NRXN3: variants seen among roughly 807,000 people sequenced by gnomAD.
NRXN3 encodes neurexin 3.
In NRXN3, 32 loss-of-function variants were observed where a neutral mutation model predicts 137.6. That is an observed-to-expected ratio of 0.23 (90% CI 0.18 to 0.31). The LOEUF is 0.31. NRXN3 is among the 10% of genes least tolerant of loss of function. The pLI is 1.00. For missense variants in NRXN3, 1,574 were observed against 2,062.5 expected (o/e 0.76, Z 4.59); for synonymous variants, 798 against 784.5 (o/e 1.02, Z -0.29).
chr14:78,496,262 T>C (rs916985900), intron 4 of NRXN3, among the ~76,000 whole-genome samples: 1 of 152,142 alleles, frequency 6.6e-6, no homozygotes, highest in African/African-American at 2.4e-5. Context: ...ATAGTTGACA[T>C]TGGGGGAAAA....
intron 15 of NRXN3, among the ~76,000 whole-genome samples, chr14:79,068,668 G>A (rs891494329): frequency 1.3e-5 from 2 of 152,010 alleles, no homozygotes; most frequent in Non-Finnish European, 2.9e-5. Context: ...TTTTATTTAT[G>A]TTATAGTTGT....
At chr14:78,531,488 C>G (rs933170691) in intron 4 of NRXN3, among the ~76,000 whole-genome samples, 5 of 152,124 alleles carry the variant, frequency 3.3e-5, no homozygotes, top group African/African-American at 1.2e-4. Flanking sequence ...AAAACCTTGG[C>G]CTGAGAGAGA....
At chr14:78,452,869 A>G (rs2094583918) in intron 4 of NRXN3, among the ~76,000 whole-genome samples, 2 of 152,370 alleles carry the variant, frequency 1.3e-5, no homozygotes, top group African/African-American at 4.8e-5. Flanking sequence ...AACTTGTATG[A>G]TAAGCATAGG....
chr14:79,055,539 A>G (rs1398082599), intron 15 of NRXN3, among the ~76,000 whole-genome samples: 1 of 152,192 alleles, frequency 6.6e-6, no homozygotes, highest in African/African-American at 2.4e-5. Context: ...AGAGGAAAAC[A>G]TCTAAGGTCA....
At chr14:78,342,300 A>G (rs1326998647) in intron 4 of NRXN3, among the ~76,000 whole-genome samples, 1 of 152,220 alleles carries the variant, frequency 6.6e-6, no homozygotes, top group Admixed American at 6.5e-5. Flanking sequence ...TGAGAAATAC[A>G]TGCCATTCTG....
intron 10 of NRXN3, among the ~76,000 whole-genome samples, chr14:78,871,334 T>C (rs377119718): frequency 6.6e-6 from 1 of 151,908 alleles, no homozygotes; most frequent in East Asian, 1.9e-4. Flanking sequence ...TGTCTGAAAA[T>C]CTCTCAGTCA....
At chr14:78,509,775 CCT>C (rs1186442079) in intron 4 of NRXN3, among the ~76,000 whole-genome samples, 1 of 152,096 alleles carries the variant, frequency 6.6e-6, no homozygotes, top group African/African-American at 2.4e-5. Flanking sequence ...AAGCTCATAT[CCT>C]CTGAGTGGAC....
intron 15 of NRXN3, among the ~76,000 whole-genome samples, chr14:79,142,733 G>A (rs1379337837): frequency 6.6e-6 from 1 of 152,174 alleles, no homozygotes; most frequent in African/African-American, 2.4e-5. Context: ...GGTTGAGACT[G>A]CAGCCAAACT....
At chr14:79,147,264 T>C (rs1006322005) in intron 15 of NRXN3, among the ~76,000 whole-genome samples, 2 of 152,200 alleles carry the variant, frequency 1.3e-5, no homozygotes, top group Non-Finnish European at 2.9e-5. Flanking sequence ...CTGTTGTAAA[T>C]TCCTTTCTTC....
chr14:79,798,104 GAA>G (rs1323612240), intron 19 of NRXN3, among the ~76,000 whole-genome samples: 1 of 133,076 alleles, frequency 7.5e-6, no homozygotes, highest in Non-Finnish European at 1.6e-5. Flanking sequence ...CTGTCTCAAG[GAA>G]AAAAAAAAAA....
At chr14:78,621,855 G>C (rs2097407905) in intron 4 of NRXN3, among the ~76,000 whole-genome samples, 1 of 152,144 alleles carries the variant, frequency 6.6e-6, no homozygotes, top group South Asian at 2.1e-4. Flanking sequence ...ATTTGGATTT[G>C]TGACAGTGAG....
At chr14:78,267,643 GACA>G (rs1216885882) in intron 2 of NRXN3, among the ~76,000 whole-genome samples, 1 of 143,668 alleles carries the variant, frequency 7.0e-6, no homozygotes, top group Non-Finnish European at 1.5e-5. Flanking sequence ...TAGCTTGAGT[GACA>G]ACAAGACACT....
chr14:78,750,844 G>A (rs1176886289), intron 8 of NRXN3, among the ~76,000 whole-genome samples: 1 of 152,150 alleles, frequency 6.6e-6, no homozygotes, highest in African/African-American at 2.4e-5. Flanking sequence ...GAGCTCAGGA[G>A]GTAACTAGCA....
chr14:78,170,926 A>G (rs2153307665), intron 1 of NRXN3, among the ~76,000 whole-genome samples: 1 of 148,948 alleles, frequency 6.7e-6, no homozygotes, highest in African/African-American at 2.5e-5. Flanking sequence ...AAGTCAGAGA[A>G]TGTTTTAGAT....
chr14:79,618,129 C>T (rs972214874), intron 16 of NRXN3, among the ~76,000 whole-genome samples: 1 of 151,918 alleles, frequency 6.6e-6, no homozygotes, highest in Non-Finnish European at 1.5e-5. Flanking sequence ...AGATAATATT[C>T]CTGTTTACCA....
chr14:78,303,306 A>C (rs1429088360), intron 4 of NRXN3, among the ~76,000 whole-genome samples: 2 of 152,090 alleles, frequency 1.3e-5, no homozygotes, highest in African/African-American at 4.8e-5. Flanking sequence ...GTACCTCTCT[A>C]ACAATTTATA....
chr14:79,358,607 G>GAAAGAGAGAGAA (rs10667477), intron 15 of NRXN3, among the ~76,000 whole-genome samples: 6 of 79,984 alleles, frequency 7.5e-5, no homozygotes, highest in Middle Eastern at 6.3e-3. Context: ...AAGAAAGAAA[G>GAAAGAGAGAGAA]AGAAAGAAAG....
At chr14:79,254,447 G>A (rs2076320128) in intron 15 of NRXN3, among the ~76,000 whole-genome samples, 1 of 152,056 alleles carries the variant, frequency 6.6e-6, no homozygotes, top group African/African-American at 2.4e-5. Flanking sequence ...GATGAATTTA[G>A]ACATTGAAAA....
intron 4 of NRXN3, among the ~76,000 whole-genome samples, chr14:78,422,857 G>A (rs2093504722): frequency 6.6e-6 from 1 of 152,188 alleles, no homozygotes; most frequent in African/African-American, 2.4e-5. Flanking sequence ...GCATTATGGT[G>A]ATGGAGTCTC....
Sources: gnomAD v4.1 joint callset for allele counts (sites outside exome capture counted in the v4.1 genomes callset) on GRCh38, gnomAD v4.1.1 for gene constraint, MANE v1.5 for transcripts, NCBI Gene and HGNC (gene_info 2026-07-23, HGNC 2026-07-21) for gene names.